The following SLC24A4 variants were observed in gnomAD, a reference collection of about 807,000 sequenced individuals.
SLC24A4 encodes solute carrier family 24 member 4.
In SLC24A4, 53 loss-of-function variants were observed where a neutral mutation model predicts 79.0. The observed-to-expected ratio is 0.67, with a 90% CI of 0.54 to 0.84. SLC24A4 has a LOEUF of 0.84. SLC24A4 is among the 40% of genes least tolerant of loss of function. The pLI, the probability that SLC24A4 is intolerant of heterozygous loss-of-function variation, is 0.00. For synonymous variants in SLC24A4, 323 were observed against 323.8 expected (o/e 1.00, Z 0.03); for missense variants, 731 against 822.0 (o/e 0.89, Z 1.35).
At chr14:92,379,556 C>T (rs1888711415) in intron 2 of SLC24A4, among the ~76,000 whole-genome samples, 2 of 152,036 alleles carry the variant, frequency 1.3e-5, no homozygotes, top group African/African-American at 4.8e-5. Context: ...AGCGCCCCTG[C>T]CCCCTCCTCC....
intron 12 of SLC24A4, among the ~76,000 whole-genome samples, chr14:92,466,459 G>A (rs1894123877): frequency 6.6e-6 from 1 of 152,140 alleles, no homozygotes; most frequent in South Asian, 2.1e-4. Flanking sequence ...GCTGGGATTT[G>A]AACCTGGATA....
At position 92,323,667 on chromosome 14, in the gene SLC24A4, T is replaced by TC; in HGVS notation, c.-159dup. On this transcript the variant is annotated 5_prime_UTR_variant, in exon 1 of 17. Transcript: ENST00000532405. This position sits in a 1 kb window ranked among gnomAD's most constrained non-coding sequence, Gnocchi z 4.9. ...GCGCGTCCCCACCTTCCCAAGGGGC[T>TC]CCCCCGCCGACCTCGCCCTCGGGCC... 20 of 828,064 alleles carry TC rather than the reference T, an allele frequency of 2.4e-5. No individual in the cohort carries two copies. Among genetic ancestry groups the TC allele is most frequent in the Middle Eastern group, 7.5e-4 (2 of 2,656 alleles). The allele number at this position is 828,064 out of a possible 1,614,324, so 51.3% of individuals were successfully genotyped here.
At chr14:92,443,507 G>A in intron 7 of SLC24A4, 33 bp downstream of exon 7, 1 of 1,611,448 alleles carries the variant, frequency 6.2e-7, no homozygotes, top group Non-Finnish European at 8.5e-7. Flanking sequence ...AGGTCAGGTT[G>A]GCTGGGACCC....
chr14:92,355,838 C>T (rs1887151402), intron 2 of SLC24A4, among the ~76,000 whole-genome samples: 1 of 152,178 alleles, frequency 6.6e-6, no homozygotes, highest in South Asian at 2.1e-4. Context: ...AAGTGGGTTC[C>T]TGTTAGAGCT....
At chr14:92,434,450 G>A (rs1892054812) in intron 3 of SLC24A4, among the ~76,000 whole-genome samples, 1 of 152,168 alleles carries the variant, frequency 6.6e-6, no homozygotes, top group South Asian at 2.1e-4. Flanking sequence ...TCAGTGTTAT[G>A]ATGTTACAAA....
chr14:92,378,055 G>A (rs1240751959), intron 2 of SLC24A4, among the ~76,000 whole-genome samples: 2 of 152,164 alleles, frequency 1.3e-5, no homozygotes, highest in Non-Finnish European at 2.9e-5. Context: ...CTGACCTCAG[G>A]AAATGGGTCT....
At position 92,445,718 on chromosome 14, in the gene SLC24A4, A is replaced by G. The variant is rs549880948; in HGVS notation, c.683+376A>G. 2.6e-5 allele frequency among the ~76,000 whole-genome samples: 4 copies of G among 152,368 alleles called. No homozygotes were observed. The South Asian group carries it at 6.2e-4, about 24-fold the overall frequency. On this transcript the variant is annotated intron_variant, in intron 8 of 16. Transcript: ENST00000532405. ...CAGTGAGTTAGGAATAGAGTCTTGA[A>G]TGCTGCAGGGACAACTGGGAATCCA...
rs564680507 is a variant in SLC24A4, at chr14:92,491,448, A to G, written c.1538-217A>G. On this transcript the variant is annotated intron_variant, in intron 14 of 16. Transcript: ENST00000532405. Reference sequence around the variant, plus strand: ...TTAGGTACTGAGGGTTAGAACTTCAACATATGAATTTGGAGGGTCACAGTC... The same window carrying G: ...TTAGGTACTGAGGGTTAGAACTTCAGCATATGAATTTGGAGGGTCACAGTC... Among the ~76,000 whole-genome samples, 20 of 152,328 alleles carry G rather than the reference A, an allele frequency of 1.3e-4. No individual in the cohort carries two copies. The East Asian group carries it at 3.9e-3, about 29-fold the overall frequency.
At chr14:92,493,259 A>G (rs1895797857) in intron 16 of SLC24A4, among the ~76,000 whole-genome samples, 2 of 152,246 alleles carry the variant, frequency 1.3e-5, no homozygotes, top group Non-Finnish European at 1.5e-5. Flanking sequence ...CCCTGAGTCA[A>G]TGCGGCTAGG....
At chr14:92,474,973 C>G (rs1484828548) in intron 12 of SLC24A4, among the ~76,000 whole-genome samples, 1 of 150,208 alleles carries the variant, frequency 6.7e-6, no homozygotes, top group African/African-American at 2.5e-5. Context: ...ACTGGGATTA[C>G]AGGCGTGAGC....
chr14:92,446,330 A>G (rs1181850612), intron 8 of SLC24A4, among the ~76,000 whole-genome samples: 1 of 152,066 alleles, frequency 6.6e-6, no homozygotes. Context: ...AATTTTTTGT[A>G]GAGATGGGGT....
intron 2 of SLC24A4, among the ~76,000 whole-genome samples, chr14:92,391,455 A>T (rs1177041725): frequency 6.6e-6 from 1 of 152,154 alleles, no homozygotes; most frequent in Non-Finnish European, 1.5e-5. Flanking sequence ...TGCTATTGGG[A>T]GGTAAGCTCC....
rs117883129 is a variant in SLC24A4 at position 92,461,470 on chromosome 14, G to A, written c.1255+4862G>A. 3.9e-3 allele frequency among the ~76,000 whole-genome samples: 601 copies of A among 152,338 alleles called. 3 individuals carry two copies. The highest frequency in any genetic ancestry group is 5.2e-3 in the Non-Finnish European group (352 of 68,030). On this transcript the variant is annotated intron_variant, in intron 12 of 16. Transcript: ENST00000532405. ...GAGGCTGCAAGTCTGAGATCAGGGT[G>A]CCAGCATGGTTGGGTTCTGTGTCCC...
chr14:92,457,290 C>T (rs1893530401), intron 12 of SLC24A4: 1 of 153,152 alleles, frequency 6.5e-6, no homozygotes, highest in Admixed American at 6.5e-5. Flanking sequence ...CTAGAACACA[C>T]TGTCATTCCT....
chr14:92,334,640 T>C (rs750504768), intron 2 of SLC24A4, among the ~76,000 whole-genome samples: 5 of 152,190 alleles, frequency 3.3e-5, no homozygotes, highest in Non-Finnish European at 7.3e-5. Flanking sequence ...TCTGTCTGTC[T>C]TGAAGATGGT....
At chr14:92,454,866 C>T (rs951693102) in intron 11 of SLC24A4, among the ~76,000 whole-genome samples, 1 of 151,984 alleles carries the variant, frequency 6.6e-6, no homozygotes, top group Non-Finnish European at 1.5e-5. Context: ...CGGTCCAATT[C>T]GGTAAAATTT....
chr14:92,472,029 C>G (rs527588909), intron 12 of SLC24A4, among the ~76,000 whole-genome samples: 13 of 152,284 alleles, frequency 8.5e-5, no homozygotes, highest in African/African-American at 2.6e-4. Context: ...ACTGCCCTTC[C>G]CAGGGCCCTT....
In SLC24A4 at chr14:92,412,741, A is replaced by G. The variant is rs1247723039; in HGVS notation, c.242-21171A>G. Among the ~76,000 whole-genome samples, 40 of 151,740 alleles carry G rather than the reference A, an allele frequency of 2.6e-4. 1 individual carries two copies. Among genetic ancestry groups the G allele is most frequent in the Admixed American group, 2.3e-3 (35 of 15,240 alleles). ...TTTCCATGTTACTTCAACAGCTTCT[A>G]CCTGAGGCTTCTGTCCTGCTCCTTC... On this transcript the variant is annotated intron_variant, in intron 2 of 16. Coordinates refer to ENST00000532405, the MANE Select transcript of SLC24A4 (RefSeq NM_153646.4).
At position 92,449,060 on chromosome 14, in the gene SLC24A4, C is replaced by T; in HGVS notation, c.738-14C>T. On this transcript the variant is annotated splice_polypyrimidine_tract_variant and intron_variant, in intron 9 of 16. Transcript: ENST00000532405. ...TTTCCATTGCCCTGACCTCCTGCCT[C>T]CCCTCGCTTCCAGGTACAATGTGAA... 6.2e-7 allele frequency: 1 copy of T among 1,613,896 alleles called. No individual in the cohort carries two copies. The highest frequency in any genetic ancestry group is 8.5e-7 in the Non-Finnish European group (1 of 1,179,822).
Sources: gnomAD v4.1 joint callset for allele counts (sites outside exome capture counted in the v4.1 genomes callset) on GRCh38, gnomAD v4.1.1 for gene constraint, Gnocchi (gnomAD v3.1) non-coding constraint, MANE v1.5 for transcripts, NCBI Gene and HGNC (gene_info 2026-07-23, HGNC 2026-07-21) for gene names.